RMDN2: variants seen among roughly 807,000 people sequenced by gnomAD.
The protein encoded by RMDN2 is regulator of microtubule dynamics protein 2.
In RMDN2, 61 loss-of-function variants were observed where a neutral mutation model predicts 52.8. The observed-to-expected ratio is 1.16, with a 90% CI of 0.94 to 1.43. RMDN2 has a LOEUF of 1.43. Ranked by LOEUF, RMDN2 falls within the 40% of genes most tolerant of loss-of-function variation. RMDN2 has a pLI of 0.00. For synonymous variants in RMDN2, 180 were observed against 153.1 expected (o/e 1.18, Z -1.30); for missense variants, 592 against 475.3 (o/e 1.25, Z -2.28).
intron 10 of RMDN2, among the ~76,000 whole-genome samples, chr2:38,065,696 G>A (rs931424314): frequency 2.0e-5 from 3 of 152,234 alleles, no homozygotes; most frequent in Non-Finnish European, 4.4e-5. Context: ...CTATCAGATG[G>A]ACAGGCCATG....
intron 2 of RMDN2, among the ~76,000 whole-genome samples, chr2:37,931,167 C>A (rs1431234384): frequency 2.0e-5 from 3 of 152,200 alleles, no homozygotes; most frequent in Non-Finnish European, 4.4e-5. Flanking sequence ...CTAGAGCTAT[C>A]ATTTGTGGCT....
chr2:38,042,505 G>T (rs1453111758), intron 10 of RMDN2, among the ~76,000 whole-genome samples: 1 of 150,836 alleles, frequency 6.6e-6, no homozygotes, highest in East Asian at 1.9e-4. Flanking sequence ...TCTAACAGCA[G>T]TTTTGGTTTC....
chr2:38,051,671 A>C (rs1467172628), intron 10 of RMDN2, among the ~76,000 whole-genome samples: 1 of 152,132 alleles, frequency 6.6e-6, no homozygotes, highest in Non-Finnish European at 1.5e-5. Context: ...ACCTCTCTTC[A>C]TCCTCTCCCC....
intron 2 of RMDN2, among the ~76,000 whole-genome samples, chr2:37,969,162 A>T (rs9677941): frequency 2.6e-5 from 4 of 151,614 alleles, no homozygotes; most frequent in Non-Finnish European, 4.4e-5. Context: ...TTTATACTGC[A>T]GTTCTGATAT....
At chr2:38,004,624 C>A (rs1676805267) in intron 10 of RMDN2, among the ~76,000 whole-genome samples, 1 of 152,062 alleles carries the variant, frequency 6.6e-6, no homozygotes, top group Non-Finnish European at 1.5e-5. Context: ...CAATATCTCC[C>A]CATTTCTCCC....
chr2:37,981,450 C>G (rs1673301331), intron 5 of RMDN2, 107 bp downstream of exon 5: 4 of 721,846 alleles, frequency 5.5e-6, no homozygotes, highest in South Asian at 3.4e-5. Flanking sequence ...CTGTCAGTCA[C>G]ATTCACTGAA....
At position 37,950,186 on chromosome 2, in the gene RMDN2, AAGGCAGCTGGTGAG is replaced by A. The variant is rs1668602747; in HGVS notation, c.452+20460_452+20473del. On this transcript the variant is annotated intron_variant, in intron 2 of 10. Coordinates refer to ENST00000354545, the MANE Select transcript of RMDN2 (RefSeq NM_001170791.3). ...AGGAGTTAGTAGTACAGGGGTGTGGAAGGCAGCTGGTGAGAGAGATGGTCCAAGGTGAGAGAGAT... is the reference window on the plus strand; with the variant it reads ...AGGAGTTAGTAGTACAGGGGTGTGGAAGAGATGGTCCAAGGTGAGAGAGAT... The A allele has an allele frequency of 1.5e-5, 5 of 328,562 alleles. No homozygotes were observed. In the South Asian group the frequency reaches 1.6e-4, roughly 10 times the overall value. The allele number at this position is 328,562 out of a possible 1,614,324, so 20.4% of individuals were successfully genotyped here.
intron 5 of RMDN2, among the ~76,000 whole-genome samples, chr2:37,986,890 C>G (rs1447026668): frequency 1.3e-5 from 2 of 151,936 alleles, no homozygotes; most frequent in African/African-American, 2.4e-5. Context: ...AACTTGCTTT[C>G]CCACCATTGA....
At chr2:38,020,026 G>A (rs1342124559), downstream of RMDN2, among the ~76,000 whole-genome samples, 1 of 152,096 alleles carries the variant, frequency 6.6e-6, no homozygotes, top group Non-Finnish European at 1.5e-5. Flanking sequence ...AACAGGACTA[G>A]AATCTGATAA....
chr2:37,993,444 CAAT>C (rs1416506864), intron 7 of RMDN2, among the ~76,000 whole-genome samples: 5 of 150,570 alleles, frequency 3.3e-5, no homozygotes, highest in Non-Finnish European at 7.4e-5. Context: ...TCTGGCCACA[CAAT>C]ATCTTAAAGT....
At chr2:37,921,005 T>C (rs1666015738), upstream of RMDN2, among the ~76,000 whole-genome samples, 1 of 152,250 alleles carries the variant, frequency 6.6e-6, no homozygotes, top group Non-Finnish European at 1.5e-5. Flanking sequence ...AAAAACTTAA[T>C]GTTTCTAATG....
intron 2 of RMDN2, among the ~76,000 whole-genome samples, chr2:37,956,120 A>G (rs571472306): frequency 1.6e-4 from 24 of 152,318 alleles, no homozygotes; most frequent in Non-Finnish European, 2.9e-4. Flanking sequence ...TTTGAGGAAG[A>G]CTGCTGTTAA....
chr2:38,008,935 A>G (rs958281564), intron 10 of RMDN2, among the ~76,000 whole-genome samples: 1 of 152,128 alleles, frequency 6.6e-6, no homozygotes, highest in African/African-American at 2.4e-5. Flanking sequence ...GCTCGTCTGT[A>G]AGGGATTTTA....
chr2:37,989,498 T>G (rs1338046974), intron 5 of RMDN2, 43 bp from the exon 6 acceptor site: 1 of 1,331,186 alleles, frequency 7.5e-7, no homozygotes, highest in Middle Eastern at 1.9e-4. Flanking sequence ...TGTTAAAAAT[T>G]TACACAGTGG....
At chr2:38,019,769 A>G (rs879731715), downstream of RMDN2, among the ~76,000 whole-genome samples, 14 of 152,166 alleles carry the variant, frequency 9.2e-5, no homozygotes, top group Middle Eastern at 3.4e-3. Flanking sequence ...TCCCATCTCT[A>G]CAAAAATTAG....
chr2:37,980,071 T>C (rs1308368798), intron 4 of RMDN2, among the ~76,000 whole-genome samples: 1 of 152,160 alleles, frequency 6.6e-6, no homozygotes, highest in Non-Finnish European at 1.5e-5. Flanking sequence ...GAACCGTGGT[T>C]TTAGAATAAA....
intron 10 of RMDN2, among the ~76,000 whole-genome samples, chr2:38,047,960 A>T (rs1681375139): frequency 6.6e-6 from 1 of 152,196 alleles, no homozygotes; most frequent in Admixed American, 6.5e-5. Context: ...CTTACCTAAA[A>T]TACTCTGATC....
In RMDN2 at chr2:38,009,585, G is replaced by A. The variant is rs60524211; in HGVS notation, c.1179+5369G>A. Among the ~76,000 whole-genome samples the A allele has an allele frequency of 7.6e-3, 1,157 of 152,172 alleles. 18 individuals are homozygous for A. Among genetic ancestry groups the A allele is most frequent in the African/African-American group, 0.025 (1,017 of 41,500 alleles). On this transcript the variant is annotated intron_variant, in intron 10 of 10. Transcript: ENST00000354545. Reference sequence around the variant, plus strand: ...TCAGGTCCTTTAAGGAATTCTCTGCGTTGATTATTCTAGTTAGCCATTCAT... The same window carrying A: ...TCAGGTCCTTTAAGGAATTCTCTGCATTGATTATTCTAGTTAGCCATTCAT...
rs535743843 is a variant in RMDN2 at position 38,063,303 on chromosome 2, C to T, written c.1714-3679C>T. Among the ~76,000 whole-genome samples the T allele has an allele frequency of 4.6e-4, 70 of 151,974 alleles. 1 individual carries two copies. Among genetic ancestry groups the T allele is most frequent in the East Asian group, 7.8e-4 (4 of 5,152 alleles). ...TGTTGTTTCCTGACTTTTTAATGAT[C>T]GCCATTCTAACTGGTGTGAGATGGT... On this transcript the variant is annotated intron_variant, in intron 10 of 10. Transcript: ENST00000234195.
Sources: allele counts gnomAD v4.1 joint callset (sites outside exome capture counted in the v4.1 genomes callset), GRCh38; gene constraint gnomAD v4.1.1; transcripts MANE v1.5; gene names NCBI Gene and HGNC (gene_info 2026-07-23, HGNC 2026-07-21).